Variants in LYPD6 observed in about 807,000 individuals in gnomAD.
The protein encoded by LYPD6 is LY6/PLAUR domain containing 6, also known as ly6/PLAUR domain-containing protein 6.
A neutral mutation model predicts 22.7 loss-of-function variants in LYPD6; 15 were observed. The ratio of observed to expected loss-of-function variants is 0.66; its 90% CI spans 0.44 to 1.02. The LOEUF (loss-of-function observed/expected upper bound fraction) is 1.02, where lower values mean the gene tolerates loss of function less well. Among genes scored for constraint, LYPD6 ranks in the 50% least tolerant of loss-of-function variants. LYPD6 has a pLI of 0.00. For synonymous variants in LYPD6, 72 were observed against 77.5 expected (o/e 0.93, Z 0.37); for missense variants, 189 against 208.4 (o/e 0.91, Z 0.57).
At chr2:149,403,038 T>C (rs1173093979) in intron 1 of LYPD6, among the ~76,000 whole-genome samples, 3 of 152,138 alleles carry the variant, frequency 2.0e-5, no homozygotes, top group African/African-American at 7.2e-5. Flanking sequence ...ATTTCATCCA[T>C]GTCCCTACAA....
chr2:149,334,273 G>A (rs1680992603), intron 1 of LYPD6, among the ~76,000 whole-genome samples: 1 of 152,062 alleles, frequency 6.6e-6, no homozygotes, highest in East Asian at 1.9e-4. Context: ...TCCTTGCAAT[G>A]GATTTCCAAA....
intron 1 of LYPD6, among the ~76,000 whole-genome samples, chr2:149,370,012 G>A (rs956865331): frequency 1.3e-5 from 2 of 152,044 alleles, no homozygotes; most frequent in East Asian, 1.9e-4. Flanking sequence ...AACGGGCCAC[G>A]GCTCTCACCA....
downstream of LYPD6, among the ~76,000 whole-genome samples, chr2:149,477,800 A>G (rs1681467206): frequency 1.3e-5 from 2 of 152,258 alleles, no homozygotes; most frequent in South Asian, 4.2e-4. Context: ...AGGAAAAATA[A>G]TATTTAATCC....
intron 2 of LYPD6, among the ~76,000 whole-genome samples, chr2:149,447,067 C>G (rs1490063755): frequency 6.6e-6 from 1 of 152,206 alleles, no homozygotes; most frequent in Non-Finnish European, 1.5e-5. Context: ...GTGTTTGCAG[C>G]TTTCAAATAG....
At chr2:149,484,441 T>G in the LYPD6 span, among the ~76,000 whole-genome samples, 1 of 152,248 alleles carries the variant, frequency 6.6e-6, no homozygotes, top group East Asian at 1.9e-4. Context: ...AAGCATAGAT[T>G]TAAAATGTCT....
chr2:149,420,985 C>G (rs1236347863), intron 1 of LYPD6, among the ~76,000 whole-genome samples: 1 of 152,140 alleles, frequency 6.6e-6, no homozygotes, highest in African/African-American at 2.4e-5. Context: ...GGTCGCATCC[C>G]ATAGCAGTGA....
At chr2:149,416,951 T>C (rs1280119963) in intron 1 of LYPD6, among the ~76,000 whole-genome samples, 2 of 152,180 alleles carry the variant, frequency 1.3e-5, no homozygotes, top group Non-Finnish European at 2.9e-5. Context: ...GCATCTCTTT[T>C]CTGTGACAGC....
At chr2:149,402,642 G>C (rs1472339474) in intron 1 of LYPD6, among the ~76,000 whole-genome samples, 1 of 152,054 alleles carries the variant, frequency 6.6e-6, no homozygotes, top group Non-Finnish European at 1.5e-5. Flanking sequence ...GTGATGCTGA[G>C]CATTTTTCCA....
rs557033601 is a variant in LYPD6, at chr2:149,355,393, T to C, written c.-72+24671T>C. Among the ~76,000 whole-genome samples, 4 of 152,344 alleles carry C rather than the reference T, an allele frequency of 2.6e-5. 1 individual carries two copies. The South Asian group carries it at 8.3e-4, about 32-fold the overall frequency. The stretch of plus-strand genomic sequence containing the variant: ...TCAATTAATCTTATCTCATAAACAT[T>C]AGCATTTTAAATACTTTGTCAGAGT... On this transcript the variant is annotated intron_variant, in intron 1 of 4. Transcript: ENST00000334166.
chr2:149,434,328 C>A (rs1683384561), intron 1 of LYPD6, among the ~76,000 whole-genome samples: 1 of 152,034 alleles, frequency 6.6e-6, no homozygotes, highest in Non-Finnish European at 1.5e-5. Flanking sequence ...CAAAAAGTAA[C>A]CAGAACAAAA....
intron 1 of LYPD6, among the ~76,000 whole-genome samples, chr2:149,334,890 G>A (rs1286962972): frequency 6.6e-6 from 1 of 152,046 alleles, no homozygotes; most frequent in Non-Finnish European, 1.5e-5. Context: ...TACGAGTATA[G>A]TGGAGCTGAA....
chr2:149,478,026 T>C (rs529647046), downstream of LYPD6, among the ~76,000 whole-genome samples: 1 of 152,336 alleles, frequency 6.6e-6, no homozygotes, highest in Admixed American at 6.5e-5. Flanking sequence ...GTGATTATTA[T>C]TGTTCATCTT....
chr2:149,428,864 G>A (rs1003352364), intron 1 of LYPD6, among the ~76,000 whole-genome samples: 2 of 152,180 alleles, frequency 1.3e-5, no homozygotes, highest in Non-Finnish European at 2.9e-5. Flanking sequence ...AATAGGTAAC[G>A]TTCCTACTTG....
chr2:149,420,516 G>T (rs1333074895), intron 1 of LYPD6, among the ~76,000 whole-genome samples: 1 of 152,168 alleles, frequency 6.6e-6, no homozygotes, highest in Non-Finnish European at 1.5e-5. Flanking sequence ...GGCTGGAAAG[G>T]TAGAGTGTAC....
At chr2:149,449,222 A>G (rs1221485960) in intron 3 of LYPD6, 75 bp downstream of exon 3, 7 of 936,722 alleles carry the variant, frequency 7.5e-6, no homozygotes, top group South Asian at 1.5e-5. Flanking sequence ...TTGGTGATGT[A>G]TAAAGAGAGG....
At chr2:149,455,844 T>C (rs1680945785) in intron 3 of LYPD6, among the ~76,000 whole-genome samples, 1 of 152,180 alleles carries the variant, frequency 6.6e-6, no homozygotes, top group South Asian at 2.1e-4. Context: ...TTTCAGTGAT[T>C]AGTTTTAAAA....
chr2:149,333,636 C>G (rs1680978807), intron 1 of LYPD6, among the ~76,000 whole-genome samples: 1 of 152,212 alleles, frequency 6.6e-6, no homozygotes, highest in Non-Finnish European at 1.5e-5. Context: ...GGTACCAGCT[C>G]TGCTCTAGAT....
At chr2:149,432,508 A>G (rs1259186575) in intron 1 of LYPD6, among the ~76,000 whole-genome samples, 2 of 152,026 alleles carry the variant, frequency 1.3e-5, no homozygotes, top group Non-Finnish European at 2.9e-5. Flanking sequence ...GGAGGGAGGG[A>G]GTTCCTTGTG....
chr2:149,374,566 G>A (rs927852832), intron 1 of LYPD6, among the ~76,000 whole-genome samples: 1 of 152,216 alleles, frequency 6.6e-6, no homozygotes, highest in African/African-American at 2.4e-5. Flanking sequence ...GTCTGTCCCT[G>A]ACAATCTCCC....
Sources: allele counts gnomAD v4.1 joint callset (sites outside exome capture counted in the v4.1 genomes callset), GRCh38; gene constraint gnomAD v4.1.1; transcripts MANE v1.5; gene names NCBI Gene and HGNC (gene_info 2026-07-23, HGNC 2026-07-21).